Variants in KCNJ10 observed in about 807,000 individuals in gnomAD.
KCNJ10 encodes potassium inwardly rectifying channel subfamily J member 10, also known as ATP-sensitive inward rectifier potassium channel 10.
Under a neutral mutation model 22.2 loss-of-function variants are expected in KCNJ10, and 9 were observed. The observed-to-expected ratio is 0.40, with a 90% confidence interval of 0.24 to 0.71. KCNJ10 has a LOEUF of 0.71. Ranked by LOEUF, KCNJ10 falls within the 30% of genes least tolerant of loss-of-function variation. The pLI is 0.35. For missense variants in KCNJ10, 337 were observed against 482.7 expected (o/e 0.70, Z 2.83); for synonymous variants, 184 against 187.3 (o/e 0.98, Z 0.15).
At chr1:160,049,665 T>TTTTATTTA (rs765118576) in intron 1 of KCNJ10, among the ~76,000 whole-genome samples, 24 of 73,252 alleles carry the variant, frequency 3.3e-4, no homozygotes, top group African/African-American at 7.6e-4. Flanking sequence ...GGATCCAGCA[T>TTTTATTTA]TTTATTTATT....
intron 1 of KCNJ10, chr1:160,044,689 G>A (rs903632151): frequency 6.6e-6 from 1 of 152,184 alleles, no homozygotes; most frequent in Admixed American, 6.5e-5. Context: ...ATAGGACCCA[G>A]TGTGGATTTA....
rs1250962813 is a variant in KCNJ10 at position 160,041,221 on chromosome 1, G to A, written c.*172C>T. The A allele has an allele frequency of 1.5e-6, 1 of 664,894 alleles. No homozygotes were observed. Among genetic ancestry groups the A allele is most frequent in the African/African-American group, 1.8e-5 (1 of 55,780 alleles). The allele number at this position is 664,894 out of a possible 1,614,324, so 41.2% of individuals were successfully genotyped here. A position where few individuals can be genotyped will look rare whatever the true frequency, so the allele number is the denominator to read the frequency against. ...GGGAAGTGGAAAGGGGACAGTGGGAGGCGAACCTGGACTCCAGTTGGCCTA... is the reference window on the plus strand; with the variant it reads ...GGGAAGTGGAAAGGGGACAGTGGGAAGCGAACCTGGACTCCAGTTGGCCTA... On this transcript the variant is annotated 3_prime_UTR_variant, in exon 2 of 2. Coordinates refer to ENST00000644903, the MANE Select transcript of KCNJ10 (RefSeq NM_002241.5). The surrounding 1 kb of genome is among the most constrained non-coding windows in gnomAD (Gnocchi z 4.4).
chr1:160,043,982 G>A (rs1336025422), intron 1 of KCNJ10, among the ~76,000 whole-genome samples: 2 of 152,104 alleles, frequency 1.3e-5, no homozygotes, highest in African/African-American at 4.8e-5. Context: ...TTCTCCATTC[G>A]AAAAAGTCTG....
At chr1:160,069,483 A>G (rs1649401399) in intron 1 of KCNJ10, among the ~76,000 whole-genome samples, 1 of 152,040 alleles carries the variant, frequency 6.6e-6, no homozygotes, top group Non-Finnish European at 1.5e-5. Flanking sequence ...GAAGGAAGAG[A>G]TTGGGTGGGC....
chr1:160,060,791 A>T (rs1237370226), intron 1 of KCNJ10, among the ~76,000 whole-genome samples: 1 of 152,190 alleles, frequency 6.6e-6, no homozygotes, highest in Non-Finnish European at 1.5e-5. Context: ...CCGTAGATAC[A>T]GCCTACAGAT....
rs1280213852 is a variant in KCNJ10 at position 160,042,515 on chromosome 1, C to A, written c.18G>T (p.Lys6Asn). The change falls in exon 2 of 2, where the codon AAG becomes AAT. Residue 6 changes from lysine (K) to asparagine (N), a missense_variant. By Grantham distance (94) the Lys-to-Asn change is moderately conservative (BLOSUM62 0). Around this residue, in one of 3 missense-constraint regions of KCNJ10, gnomAD observed 107 missense variants for 135.2 expected, o/e 0.79. Coordinates refer to ENST00000644903, the MANE Select transcript of KCNJ10 (RefSeq NM_002241.5). ...TCTGAGTGGTCTGACTGTAATACAC[C>A]TTGGCAACTGACGTCATCTGGAGGG... The part of the protein sequence containing the change: MTSVA[K>N]VYYSQTTQTE... 3 of 1,614,106 alleles carry A rather than the reference C, an allele frequency of 1.9e-6. No homozygotes were observed. In the Admixed American group the frequency reaches 5.0e-5, roughly 27 times the overall value.
chr1:160,065,825 G>A (rs896923998), intron 1 of KCNJ10, among the ~76,000 whole-genome samples: 4 of 152,120 alleles, frequency 2.6e-5, no homozygotes, highest in African/African-American at 9.7e-5. Flanking sequence ...GCTTCATGAT[G>A]ACAATTCCAG....
chr1:160,045,145 G>C (rs1275475184), intron 1 of KCNJ10, among the ~76,000 whole-genome samples: 2 of 152,162 alleles, frequency 1.3e-5, no homozygotes, highest in Non-Finnish European at 2.9e-5. Flanking sequence ...CTGGGGATAA[G>C]ATAAAGAAAA....
intron 1 of KCNJ10, among the ~76,000 whole-genome samples, chr1:160,066,941 G>GTGCTTCC (rs1313814304): frequency 1.3e-5 from 2 of 152,130 alleles, no homozygotes; most frequent in Non-Finnish European, 2.9e-5. Flanking sequence ...TTTCTAGGAT[G>GTGCTTCC]TGCTTCCTGA....
chr1:160,044,368 G>A (rs1430150319), intron 1 of KCNJ10, among the ~76,000 whole-genome samples: 1 of 152,098 alleles, frequency 6.6e-6, no homozygotes, highest in South Asian at 2.1e-4. Context: ...CTCAGTAGTA[G>A]TAATAATAAC....
intron 1 of KCNJ10, among the ~76,000 whole-genome samples, chr1:160,067,564 A>G (rs927546751): frequency 6.6e-6 from 1 of 152,128 alleles, no homozygotes; most frequent in Admixed American, 6.5e-5. Flanking sequence ...CCCCACTGCT[A>G]TCCTGGACAG....
intron 1 of KCNJ10, among the ~76,000 whole-genome samples, chr1:160,052,092 T>G (rs746232696): frequency 1.3e-4 from 20 of 152,324 alleles, no homozygotes; most frequent in Non-Finnish European, 2.4e-4. Context: ...TTAATAGAGA[T>G]ATTCTAAGCC....
intron 1 of KCNJ10, chr1:160,064,717 T>C (rs1186678): frequency 1 from 152,023 of 152,354 alleles, 75,847 homozygotes; most frequent in Middle Eastern, 1. Context: ...ACCAGTTGCC[T>C]ATATCTTTTT....
At chr1:160,050,731 G>A (rs573302708) in intron 1 of KCNJ10, among the ~76,000 whole-genome samples, 214 of 152,260 alleles carry the variant, frequency 1.4e-3, no homozygotes, top group Non-Finnish European at 2.6e-3. Context: ...TTTGGTTGAA[G>A]CGTTGGGAGC....
chr1:160,047,087 C>G (rs533091562), intron 1 of KCNJ10, among the ~76,000 whole-genome samples: 5 of 152,224 alleles, frequency 3.3e-5, no homozygotes, highest in Non-Finnish European at 7.3e-5. Flanking sequence ...CTGCTACCCC[C>G]GGAAGTTCTT....
chr1:160,064,793 A>T (rs545802360), intron 1 of KCNJ10: 4 of 152,358 alleles, frequency 2.6e-5, no homozygotes, highest in Admixed American at 1.3e-4. Flanking sequence ...TACCAGTTGG[A>T]ACTGGGATCA....
chr1:160,051,210 C>T (rs757190603), intron 1 of KCNJ10, among the ~76,000 whole-genome samples: 37 of 151,980 alleles, frequency 2.4e-4, no homozygotes, highest in Non-Finnish European at 5.0e-4. Flanking sequence ...GCATGAGCTA[C>T]GGTGTCTGGC....
At chr1:160,044,860 A>T (rs962531727) in intron 1 of KCNJ10, 1 of 152,020 alleles carries the variant, frequency 6.6e-6, no homozygotes, top group Admixed American at 6.6e-5. Context: ...AAAAATTTTT[A>T]AAAATTAGCT....
intron 1 of KCNJ10, among the ~76,000 whole-genome samples, chr1:160,068,776 A>AT (rs1649384631): frequency 1.3e-5 from 2 of 152,296 alleles, no homozygotes; most frequent in South Asian, 4.1e-4. Flanking sequence ...ATCCTTGGAG[A>AT]TTAGGGAGAG....
Sources: allele counts gnomAD v4.1 joint callset (sites outside exome capture counted in the v4.1 genomes callset), GRCh38; gene constraint gnomAD v4.1.1; regional missense constraint gnomAD v4.1.1; non-coding constraint Gnocchi (gnomAD v3.1); transcripts MANE v1.5; gene names NCBI Gene and HGNC (gene_info 2026-07-23, HGNC 2026-07-21).